Variants in SPIDR observed in about 807,000 individuals in gnomAD.
SPIDR encodes the protein DNA repair-scaffolding protein.
A neutral mutation model predicts 104.6 loss-of-function variants in SPIDR; 93 were observed. The observed-to-expected ratio is 0.89, with a 90% CI of 0.75 to 1.06. The LOEUF is 1.06. Among genes scored for constraint, SPIDR ranks in the 50% least tolerant of loss-of-function variants. The pLI is 0.00. For missense variants in SPIDR, 1,154 were observed against 1,111.2 expected (o/e 1.04, Z -0.55); for synonymous variants, 431 against 416.9 (o/e 1.03, Z -0.41).
At chr8:47,287,402 A>T (rs1679742272) in intron 3 of SPIDR, among the ~76,000 whole-genome samples, 1 of 152,088 alleles carries the variant, frequency 6.6e-6, no homozygotes, top group African/African-American at 2.4e-5. Context: ...GAGAGCAGAG[A>T]ACTGGTCTGA....
At chr8:47,373,983 G>T (rs1554640661) in intron 5 of SPIDR, among the ~76,000 whole-genome samples, 1 of 152,190 alleles carries the variant, frequency 6.6e-6, no homozygotes, top group East Asian at 1.9e-4. Context: ...TGTAAAGAAA[G>T]TTGAGCTGTT....
chr8:47,293,634 G>T (rs1333454096), intron 4 of SPIDR, among the ~76,000 whole-genome samples: 1 of 152,074 alleles, frequency 6.6e-6, no homozygotes, highest in Non-Finnish European at 1.5e-5. Flanking sequence ...TTTTAATAGA[G>T]ACAGCATTTC....
intron 5 of SPIDR, among the ~76,000 whole-genome samples, chr8:47,315,798 A>C (rs942551271): frequency 2.6e-5 from 4 of 152,304 alleles, no homozygotes; most frequent in Admixed American, 2.6e-4. Context: ...GAACAACTAG[A>C]CATCTGTATG....
chr8:47,723,585 A>G (rs1049366569), intron 16 of SPIDR, among the ~76,000 whole-genome samples: 8 of 151,896 alleles, frequency 5.3e-5, no homozygotes, highest in African/African-American at 1.7e-4. Flanking sequence ...ACCCGCCACC[A>G]TGCCCGGCTA....
intron 5 of SPIDR, among the ~76,000 whole-genome samples, chr8:47,362,743 C>G (rs1195015043): frequency 6.6e-6 from 1 of 152,156 alleles, no homozygotes; most frequent in Non-Finnish European, 1.5e-5. Context: ...ACCTCCACCT[C>G]CCAGGTTCAA....
intron 11 of SPIDR, among the ~76,000 whole-genome samples, chr8:47,690,991 A>G (rs1267666376): frequency 2.6e-5 from 4 of 151,582 alleles, no homozygotes; most frequent in Admixed American, 2.6e-4. Flanking sequence ...ACTAGCTACA[A>G]TCTGAAAAAT....
At chr8:47,694,386 A>C (rs1318729915) in intron 11 of SPIDR, among the ~76,000 whole-genome samples, 1 of 152,188 alleles carries the variant, frequency 6.6e-6, no homozygotes, top group Non-Finnish European at 1.5e-5. Context: ...AGCAGTGGGC[A>C]GGAAAGGGAG....
chr8:47,575,228 C>A (rs1469352962), intron 8 of SPIDR, among the ~76,000 whole-genome samples: 1 of 152,140 alleles, frequency 6.6e-6, no homozygotes, highest in Non-Finnish European at 1.5e-5. Context: ...GTGGTCCCCA[C>A]CATTCAGGTT....
chr8:47,495,124 T>C (rs2079243104), intron 8 of SPIDR, among the ~76,000 whole-genome samples: 1 of 152,168 alleles, frequency 6.6e-6, no homozygotes, highest in Admixed American at 6.5e-5. Context: ...AAGAATCTGA[T>C]TGAAATAACA....
intron 5 of SPIDR, among the ~76,000 whole-genome samples, chr8:47,343,305 C>A (rs183379912): frequency 3.7e-4 from 56 of 152,190 alleles, no homozygotes; most frequent in Admixed American, 3.5e-3. Flanking sequence ...GGGAGAGACT[C>A]GAGTCTCTTC....
chr8:47,488,931 A>G (rs1554735195), intron 8 of SPIDR, among the ~76,000 whole-genome samples: 3 of 152,210 alleles, frequency 2.0e-5, no homozygotes, highest in African/African-American at 7.2e-5. Flanking sequence ...ATTCCCTTTG[A>G]AAACTCGCAC....
chr8:47,687,820 C>T (rs868828609), intron 11 of SPIDR, among the ~76,000 whole-genome samples: 25 of 152,138 alleles, frequency 1.6e-4, no homozygotes, highest in African/African-American at 5.3e-4. Flanking sequence ...TCCAGCACTT[C>T]GGGAGGCCAA....
chr8:47,544,675 T>C (rs994421610), intron 8 of SPIDR, among the ~76,000 whole-genome samples: 4 of 152,262 alleles, frequency 2.6e-5, no homozygotes, highest in African/African-American at 9.6e-5. Context: ...CTGGGTGTTC[T>C]GTTCCGTTGA....
intron 8 of SPIDR, among the ~76,000 whole-genome samples, chr8:47,559,569 G>A (rs566815084): frequency 6.6e-6 from 1 of 152,174 alleles, no homozygotes; most frequent in Non-Finnish European, 1.5e-5. Flanking sequence ...GTCTTTGTAG[G>A]GGTGATCCTG....
chr8:47,301,353 G>A (rs2042056131), intron 5 of SPIDR, among the ~76,000 whole-genome samples: 1 of 152,092 alleles, frequency 6.6e-6, no homozygotes, highest in African/African-American at 2.4e-5. Context: ...CACGTGAGAT[G>A]GGTTTCCTGA....
chr8:47,629,674 C>T (rs183279710), intron 10 of SPIDR, among the ~76,000 whole-genome samples: 2 of 152,280 alleles, frequency 1.3e-5, no homozygotes, highest in East Asian at 3.9e-4. Flanking sequence ...AACCATTGAA[C>T]CTAGGAGAGG....
At chr8:47,680,053 G>A (rs2076907213) in intron 11 of SPIDR, among the ~76,000 whole-genome samples, 1 of 151,986 alleles carries the variant, frequency 6.6e-6, no homozygotes, top group African/African-American at 2.4e-5. Flanking sequence ...GCAGGTGACA[G>A]AGTCTGTGTG....
intron 4 of SPIDR, among the ~76,000 whole-genome samples, chr8:47,292,272 CG>C (rs1471075393): frequency 6.6e-6 from 1 of 152,002 alleles, no homozygotes; most frequent in African/African-American, 2.4e-5. Context: ...GACAGCTTCT[CG>C]GGAGGGTAGT....
chr8:47,693,654 G>A (rs996670498), intron 11 of SPIDR, among the ~76,000 whole-genome samples: 3 of 152,066 alleles, frequency 2.0e-5, no homozygotes, highest in African/African-American at 2.4e-5. Context: ...TCACATTCTC[G>A]TGAGGACACA....
Sources: gnomAD v4.1 joint callset for allele counts (sites outside exome capture counted in the v4.1 genomes callset) on GRCh38, gnomAD v4.1.1 for gene constraint, MANE v1.5 for transcripts, NCBI Gene and HGNC (gene_info 2026-07-23, HGNC 2026-07-21) for gene names.